Variants in KIF23 observed in about 807,000 individuals in gnomAD.
KIF23 encodes the protein kinesin-like protein KIF23.
KIF23 carries 30 observed loss-of-function variants against 137.5 expected under a neutral mutation model. The observed-to-expected ratio is 0.22, with a 90% CI of 0.16 to 0.30. KIF23 has a LOEUF of 0.30. Among genes scored for constraint, KIF23 ranks in the 10% least tolerant of loss-of-function variants. KIF23 has a pLI of 1.00. For synonymous variants in KIF23, 367 were observed against 391.1 expected (o/e 0.94, Z 0.73); for missense variants, 920 against 1,194.3 (o/e 0.77, Z 3.38).
intron 22 of KIF23, 75 bp from the exon 23 acceptor site, chr15:69,446,796 G>C (rs991727154): frequency 7.7e-7 from 1 of 1,303,550 alleles, no homozygotes; most frequent in African/African-American, 1.5e-5. Context: ...CCTAGGTGTG[G>C]AGCCTGCTAA....
At chr15:69,422,176 C>G (rs1595984072) in intron 5 of KIF23, 48 bp downstream of exon 5, 1 of 1,592,916 alleles carries the variant, frequency 6.3e-7, no homozygotes, top group East Asian at 2.2e-5. Flanking sequence ...GACTAAGACA[C>G]CTATGGATAC....
chr15:69,440,106 C>T, intron 17 of KIF23, 29 bp downstream of exon 17: 1 of 1,599,462 alleles, frequency 6.3e-7, no homozygotes, highest in Non-Finnish European at 8.5e-7. Context: ...GTGCTTGTCT[C>T]AGAGTCGGAT....
intron 3 of KIF23, among the ~76,000 whole-genome samples, chr15:69,420,440 C>G (rs143596102): frequency 1.3e-5 from 2 of 152,326 alleles, no homozygotes; most frequent in East Asian, 3.9e-4. Flanking sequence ...TATGTGTATC[C>G]TTTCAGTTCC....
At chr15:69,435,336 C>T in intron 11 of KIF23, 147 bp from the exon 12 acceptor site, 1 of 627,514 alleles carries the variant, frequency 1.6e-6, no homozygotes, top group Non-Finnish European at 2.7e-6. Context: ...CATGCATAGA[C>T]AGCTCTTTAT....
chr15:69,447,381 G>A (rs1035562483), intron 23 of KIF23, among the ~76,000 whole-genome samples: 6 of 152,162 alleles, frequency 3.9e-5, no homozygotes, highest in Admixed American at 6.5e-5. Context: ...AGAATTTATA[G>A]TAGGGAAGGA....
intron 13 of KIF23, 129 bp downstream of exon 13, chr15:69,435,900 GGCTTGGTGT>G: frequency 7.6e-7 from 1 of 1,314,238 alleles, no homozygotes; most frequent in Non-Finnish European, 1.0e-6. Flanking sequence ...AAGTAAACTA[GGCTTGGTGT>G]GGTGGCTTAT....
rs1244129381 is a variant in KIF23 at position 69,441,043 on chromosome 15, A to G, written c.2385A>G (p.Arg795=). ...TEGREVVPTF[R]NEIEIEEDHC... is the part of the protein sequence containing the mutation. ...GCAGGGAGGTGGTTCCTACATTCAGAAATGAGATAGAAATAGAAGAGGATC... is the reference window on the plus strand; with the variant it reads ...GCAGGGAGGTGGTTCCTACATTCAGGAATGAGATAGAAATAGAAGAGGATC... Residue 795 remains arginine, a synonymous_variant, in exon 19 of 24, where the codon AGA becomes AGG. Coordinates refer to ENST00000679126, the MANE Select transcript of KIF23 (RefSeq NM_001367805.3). 1 of 1,613,990 alleles carries G rather than the reference A, an allele frequency of 6.2e-7. No individual in the cohort carries two copies. The highest frequency in any genetic ancestry group is 1.3e-5 in the African/African-American group (1 of 75,050).
chr15:69,414,819 C>G (rs537969850), intron 1 of KIF23: 5 of 286,734 alleles, frequency 1.7e-5, no homozygotes, highest in Non-Finnish European at 2.6e-5. Context: ...TTCCCTTCTC[C>G]CTCGCTGGCT....
At chr15:69,443,116 T>G (rs1051934059) in intron 19 of KIF23, among the ~76,000 whole-genome samples, 11 of 152,252 alleles carry the variant, frequency 7.2e-5, no homozygotes, top group African/African-American at 2.6e-4. Flanking sequence ...TTCCTGTTTG[T>G]CTTGAGGCTC....
chr15:69,446,055 C>G lies in KIF23; in HGVS notation c.2720C>G (p.Thr907Ser), dbSNP rs745922766. The change falls in exon 21 of 24, where the codon ACT becomes AGT. Residue 907 changes from threonine (T) to serine (S), a missense_variant. Transcript: ENST00000679126. ...GGTGGTGGACAATCTGTTCAGTTTA[C>G]TGATATTGAGACTTTAAAGCAAGAA... Reference protein sequence around the residue: ...TRGGGQSVQFTDIETLKQESP... With the variant: ...TRGGGQSVQFSDIETLKQESP... 2.2e-5 allele frequency: 35 copies of G among 1,613,790 alleles called. No homozygotes were observed. In the South Asian group the frequency reaches 3.6e-4, roughly 17 times the overall value.
intron 1 of KIF23, chr15:69,414,789 T>G (rs1423532457): frequency 6.0e-6 from 2 of 336,016 alleles, no homozygotes; most frequent in East Asian, 9.3e-5. Context: ...GCAGTCCTCC[T>G]CGGGGTCCCG....
chr15:69,419,622 T>C (rs1053875880), intron 3 of KIF23, among the ~76,000 whole-genome samples: 2 of 152,230 alleles, frequency 1.3e-5, no homozygotes, highest in Non-Finnish European at 2.9e-5. Context: ...TGGTCTGTAC[T>C]CTGTATGCCT....
chr15:69,428,660 CAAAAAAA>C (rs59950355), intron 10 of KIF23, among the ~76,000 whole-genome samples: 6 of 74,052 alleles, frequency 8.1e-5, no homozygotes, highest in South Asian at 6.4e-4. Context: ...CTCTGTCTCC[CAAAAAAA>C]AAAAAAAAAA....
intron 2 of KIF23, among the ~76,000 whole-genome samples, chr15:69,416,682 C>T (rs918711929): frequency 2.0e-5 from 3 of 152,142 alleles, no homozygotes; most frequent in African/African-American, 4.8e-5. Flanking sequence ...AGGCTGGGTG[C>T]GGTGGCTCAC....
chr15:69,414,375 G>C lies in KIF23; in HGVS notation c.-91G>C, dbSNP rs1215388946. The C allele has an allele frequency of 6.5e-7, 1 of 1,529,714 alleles. No individual in the cohort carries two copies. Among genetic ancestry groups the C allele is most frequent in the Admixed American group, 2.0e-5 (1 of 49,652 alleles). 94.8% of individuals were successfully genotyped at this position (1,529,714 alleles called of 1,614,324 possible). On this transcript the variant is annotated 5_prime_UTR_variant, in exon 1 of 24. Transcript: ENST00000679126. ...CAGAGCACCGCGCCTTAGCCGCGAA[G>C]TTCTAGTTCTTGCTGCCGGTCCTAA... is the stretch of plus-strand genomic sequence containing the variant.
rs138043978 is a variant in KIF23 at position 69,417,825 on chromosome 15, T to C, written c.210+314T>C. ...TGCTAGGCAGTTTTATATATACAACTTGATGTGTGGAAATGAAAATAACAT... is the reference window on the plus strand; with the variant it reads ...TGCTAGGCAGTTTTATATATACAACCTGATGTGTGGAAATGAAAATAACAT... On this transcript the variant is annotated intron_variant, in intron 3 of 23. Coordinates refer to ENST00000679126, the MANE Select transcript of KIF23 (RefSeq NM_001367805.3). Among the ~76,000 whole-genome samples, 903 of 152,316 alleles carry C rather than the reference T, an allele frequency of 5.9e-3. 10 individuals are homozygous for C. Among genetic ancestry groups the C allele is most frequent in the Non-Finnish European group, 9.8e-3 (664 of 68,024 alleles).
intron 8 of KIF23, 94 bp downstream of exon 8, chr15:69,425,417 A>C (rs975078694): frequency 1.8e-6 from 2 of 1,104,762 alleles, no homozygotes; most frequent in Non-Finnish European, 2.6e-6. Context: ...GTTATTTTCC[A>C]TTGTCACTGG....
At chr15:69,434,211 A>C (rs2057418800) in intron 11 of KIF23, among the ~76,000 whole-genome samples, 1 of 152,214 alleles carries the variant, frequency 6.6e-6, no homozygotes, top group African/African-American at 2.4e-5. Context: ...AGTTTTATGA[A>C]AGAAAACTCT....
chr15:69,425,204 T>A (rs2057158732), intron 7 of KIF23, 78 bp from the exon 8 acceptor site: 1 of 1,079,876 alleles, frequency 9.3e-7, no homozygotes. Context: ...ATTGTGATTG[T>A]CACATAGTCT....
Sources: allele counts gnomAD v4.1 joint callset (sites outside exome capture counted in the v4.1 genomes callset), GRCh38; gene constraint gnomAD v4.1.1; transcripts MANE v1.5; gene names NCBI Gene and HGNC (gene_info 2026-07-23, HGNC 2026-07-21).